Variants in KLF10 observed in about 807,000 individuals in gnomAD.
The protein encoded by KLF10 is Krueppel-like factor 10.
Under a neutral mutation model 31.6 loss-of-function variants are expected in KLF10, and 17 were observed. The observed-to-expected ratio is 0.54, with a 90% CI of 0.37 to 0.81. The LOEUF (loss-of-function observed/expected upper bound fraction) is 0.81, where lower values mean the gene tolerates loss of function less well. Ranked by LOEUF, KLF10 falls within the 30% of genes least tolerant of loss-of-function variation. The pLI, the probability that KLF10 is intolerant of heterozygous loss-of-function variation, is 0.00. For synonymous variants in KLF10, 239 were observed against 215.1 expected, an observed-to-expected ratio of 1.11 and a Z score of -0.97; for missense variants, 525 against 598.1, an observed-to-expected ratio of 0.88 and a Z score of 1.27.
Position 102,655,669 on chromosome 8 carries a change from G to C in KLF10, c.-68C>G. Reference sequence around the variant, plus strand: ...GGCTGCTGGCTGCTTGGCCACAGACGGGCGCACGGAGACACTCGACGCCGC... The same window carrying C: ...GGCTGCTGGCTGCTTGGCCACAGACCGGCGCACGGAGACACTCGACGCCGC... On this transcript the variant is annotated 5_prime_UTR_variant, in exon 1 of 4. Transcript: ENST00000285407. The C allele has an allele frequency of 2.5e-6, 4 of 1,578,108 alleles. No individual in the cohort carries two copies. Among genetic ancestry groups the C allele is most frequent in the East Asian group, 4.6e-5 (2 of 43,942 alleles).
intron 1 of KLF10, chr8:102,653,690 A>C: frequency 2.4e-6 from 3 of 1,266,954 alleles, no homozygotes; most frequent in Non-Finnish European, 3.0e-6. Flanking sequence ...GCCCGCCTTT[A>C]TGTAAGCTGC....
chr8:102,649,131 ACAACAT>A lies in KLF10; in HGVS notation c.*995_*1000del, dbSNP rs3842195. On this transcript the variant is annotated 3_prime_UTR_variant, in exon 4 of 4. Coordinates refer to ENST00000285407, the MANE Select transcript of KLF10 (RefSeq NM_005655.4). ...CAAAAAACGCCTATAAATTAACAGG[ACAACAT>A]CAACATTTGTCCACCTGTGAATAAT... 87,713 of 151,776 alleles carry A rather than the reference ACAACAT, an allele frequency of 0.58. 25,889 individuals are homozygous for A. The highest frequency in any genetic ancestry group is 0.69 in the African/African-American group (28,467 of 41,228). 9.4% of individuals were successfully genotyped at this position (151,776 alleles called of 1,614,324 possible). A position where few individuals can be genotyped will look rare whatever the true frequency, so the allele number is the denominator to read the frequency against.
rs376489705 is a variant in KLF10 at position 102,652,308 on chromosome 8, T to C, written c.126A>G (p.Val42=). The C allele has an allele frequency of 2.8e-4, 450 of 1,613,028 alleles. 2 individuals carry two copies. Among genetic ancestry groups the C allele is most frequent in the Non-Finnish European group, 3.4e-4 (403 of 1,179,362 alleles). ...KTAEKSDFEA[V]EALMSMSCSW... ...TGCAGCTCATTGACATAAGTGCTTC[T>C]ACAGCTTCAAAATCACTTTTCTCTG... Residue 42 remains valine, a synonymous_variant, in exon 2 of 4, where the codon GTA becomes GTG. Transcript: ENST00000285407.
At position 102,650,136 on chromosome 8, in the gene KLF10, T is replaced by C. The variant is rs574846531; in HGVS notation, c.1439A>G (p.Gln480Arg). ...IALPPTPAPT[Q>R] ...GACTCTTCACTTTCCGGTCTGTCAC[T>C]GTGTGGGAGCAGGGGTTGGAGGTAG... Residue 480 changes from glutamine to arginine, a missense_variant, in exon 4 of 4, where the codon CAG (glutamine) becomes CGG (arginine). Transcript: ENST00000285407. 1 of 1,614,178 alleles carries C rather than the reference T, an allele frequency of 6.2e-7. No homozygotes were observed. The highest frequency in any genetic ancestry group is 1.7e-5 in the Admixed American group (1 of 60,030).
chr8:102,650,161 G>C lies in KLF10; in HGVS notation c.1414C>G (p.Leu472Val). 2 of 1,614,222 alleles carry C rather than the reference G, an allele frequency of 1.2e-6. No individual in the cohort carries two copies. Among genetic ancestry groups the C allele is most frequent in the Non-Finnish European group, 1.7e-6 (2 of 1,180,044 alleles). ...MEVSKLNDIA[L>V]PPTPAPTQ The stretch of plus-strand genomic sequence containing the variant: ...TGTGTGGGAGCAGGGGTTGGAGGTA[G>C]AGCAATGTCATTTAGCTTGCTCACT... The change falls in exon 4 of 4, where the codon CTA (leucine) becomes GTA (valine). Residue 472 changes from leucine to valine, a missense_variant. Transcript: ENST00000285407.
chr8:102,652,663 G>A (rs1290491676), intron 1 of KLF10, among the ~76,000 whole-genome samples: 4 of 152,038 alleles, frequency 2.6e-5, no homozygotes, highest in African/African-American at 4.8e-5. Context: ...CACTGATAAA[G>A]CGATATCCGT....
At chr8:102,650,820 CATTT>C (rs10532135) in intron 3 of KLF10, among the ~76,000 whole-genome samples, 48,210 of 151,866 alleles carry the variant, frequency 0.32, 7,850 homozygotes, top group Middle Eastern at 0.43. Flanking sequence ...ACAGAATCAT[CATTT>C]GAGAGACTGA....
rs756219423 is a variant in KLF10, at chr8:102,652,281, A to G, written c.153T>C (p.Ser51=). 6 of 1,613,432 alleles carry G rather than the reference A, an allele frequency of 3.7e-6. No homozygotes were observed. Among genetic ancestry groups the G allele is most frequent in the Non-Finnish European group, 4.2e-6 (5 of 1,179,644 alleles). ...AVEALMSMSC[S]WKSDFKKYVE... Reference sequence around the variant, plus strand: ...CGTATTTCTTAAAATCAGACTTCCAACTGCAGCTCATTGACATAAGTGCTT... The same window carrying G: ...CGTATTTCTTAAAATCAGACTTCCAGCTGCAGCTCATTGACATAAGTGCTT... The change falls in exon 2 of 4, where the codon AGT becomes AGC. Residue 51 remains serine, a synonymous_variant. Transcript: ENST00000285407.
chr8:102,652,797 A>G (rs1475273697), intron 1 of KLF10, among the ~76,000 whole-genome samples: 1 of 152,214 alleles, frequency 6.6e-6, no homozygotes, highest in Admixed American at 6.5e-5. Context: ...TAGACTTTCC[A>G]GAGTAGCTAC....
intron 1 of KLF10, 151 bp downstream of exon 1, chr8:102,655,415 C>A: frequency 2.0e-6 from 2 of 975,804 alleles, no homozygotes; most frequent in Non-Finnish European, 3.2e-6. Flanking sequence ...TGCCCATAGT[C>A]TGCAGGCAGG....
Position 102,648,921 on chromosome 8 carries a change from C to T in KLF10, c.*1211G>A, listed in dbSNP as rs1284512578. 6.6e-6 allele frequency: 1 copy of T among 152,582 alleles called. No individual in the cohort carries two copies. Among genetic ancestry groups the T allele is most frequent in the African/African-American group, 2.4e-5 (1 of 41,434 alleles). 9.5% of individuals were successfully genotyped at this position (152,582 alleles called of 1,614,324 possible). On this transcript the variant is annotated 3_prime_UTR_variant, in exon 4 of 4. Coordinates refer to ENST00000285407, the MANE Select transcript of KLF10 (RefSeq NM_005655.4). ...TCCAAGTTTTGATGTCAGAAATCTA[C>T]ACCCAATATACAAAAACAATGTTAA...
chr8:102,654,533 G>T (rs1296452057), intron 1 of KLF10, among the ~76,000 whole-genome samples: 2 of 150,876 alleles, frequency 1.3e-5, no homozygotes, highest in African/African-American at 4.9e-5. Flanking sequence ...CCCGGCCGCC[G>T]CCCTCCTCCC....
At position 102,651,168 on chromosome 8, in the gene KLF10, G is replaced by GTC; in HGVS notation, c.1163_1164insGA (p.His389ThrfsTer52). The GTC allele has an allele frequency of 6.6e-7, 1 of 1,508,894 alleles. No individual in the cohort carries two copies. The highest frequency in any genetic ancestry group is 8.9e-7 in the Non-Finnish European group (1 of 1,127,892). The allele number at this position is 1,508,894 out of a possible 1,614,324, so 93.5% of individuals were successfully genotyped here. On this transcript the variant is annotated frameshift_variant, in exon 3 of 4. Coordinates refer to ENST00000285407, the MANE Select transcript of KLF10 (RefSeq NM_005655.4). LOFTEE classifies it high-confidence loss of function. ...TGGTACCTGTGTGCGTCCTCGTGTG[G>GTC]GCCTTCAGATGGGAACTTTTAAAGT...
At chr8:102,654,087 G>C in intron 1 of KLF10, 1 of 511,400 alleles carries the variant, frequency 2.0e-6, no homozygotes, top group Non-Finnish European at 2.5e-6. Context: ...GCCCGGGGCG[G>C]GGGCGTGGGC....
At chr8:102,652,100 GTTT>G in intron 2 of KLF10, 39 bp from the exon 3 acceptor site, 1 of 1,497,236 alleles carries the variant, frequency 6.7e-7, no homozygotes, top group Non-Finnish European at 9.0e-7. Context: ...GAAATCTACA[GTTT>G]ATTATATAAA....
rs780908688 is a variant in KLF10, at chr8:102,652,431, A to T, written c.37-34T>A. The T allele has an allele frequency of 2.8e-5, 35 of 1,260,660 alleles. No homozygotes were observed. The East Asian group carries it at 7.0e-4, about 25-fold the overall frequency. 78.1% of individuals were successfully genotyped at this position (1,260,660 alleles called of 1,614,324 possible). ...ACAAAAGAGGAAAGCTTATAAGCAT[A>T]TTTTTTGTCATCCAAATGACACACA... On this transcript the variant is annotated intron_variant, in intron 1 of 3. Coordinates refer to ENST00000285407, the MANE Select transcript of KLF10 (RefSeq NM_005655.4).
Position 102,650,219 on chromosome 8 carries a change from T to C in KLF10, c.1356A>G (p.Leu452=), listed in dbSNP as rs143131547. ...GCCAGTTTGGTAGCTTCTTGGCTGA[T>C]AGATGGCGCCGGGCATGCTTGGTCA... ...DHLTKHARRH[L]SAKKLPNWQM... Residue 452 remains leucine, a synonymous_variant, in exon 4 of 4, where the codon CTA becomes CTG. Transcript: ENST00000285407. 1.1e-4 allele frequency: 174 copies of C among 1,614,224 alleles called. No homozygotes were observed. Among genetic ancestry groups the C allele is most frequent in the African/African-American group, 2.9e-4 (22 of 75,074 alleles).
chr8:102,655,196 C>A (rs1165182195), intron 1 of KLF10, among the ~76,000 whole-genome samples: 3 of 152,036 alleles, frequency 2.0e-5, no homozygotes, highest in Non-Finnish European at 2.9e-5. Context: ...CCGCGACTCT[C>A]GTTCCACACT....
At position 102,650,138 on chromosome 8, in the gene KLF10, T is replaced by A; in HGVS notation, c.1437A>T (p.Thr479=). 6.2e-7 allele frequency: 1 copy of A among 1,614,168 alleles called. No individual in the cohort carries two copies. The highest frequency in any genetic ancestry group is 2.2e-5 in the East Asian group (1 of 44,884). ...DIALPPTPAP[T]Q The stretch of plus-strand genomic sequence containing the variant: ...CTCTTCACTTTCCGGTCTGTCACTG[T>A]GTGGGAGCAGGGGTTGGAGGTAGAG... Residue 479 remains threonine, a synonymous_variant, in exon 4 of 4, where the codon ACA becomes ACT. Coordinates refer to ENST00000285407, the MANE Select transcript of KLF10 (RefSeq NM_005655.4).
Sources: allele counts gnomAD v4.1 joint callset (sites outside exome capture counted in the v4.1 genomes callset), GRCh38; gene constraint gnomAD v4.1.1; transcripts MANE v1.5; gene names NCBI Gene and HGNC (gene_info 2026-07-23, HGNC 2026-07-21).